The following EIF2AK4 variants were observed in gnomAD, a reference collection of about 807,000 sequenced individuals.
The protein encoded by EIF2AK4 is eIF-2-alpha kinase GCN2.
A neutral mutation model predicts 211.1 loss-of-function variants in EIF2AK4; 139 were observed. The observed-to-expected ratio is 0.66, with a 90% CI of 0.57 to 0.76. The LOEUF is 0.76. Ranked by LOEUF, EIF2AK4 falls within the 30% of genes least tolerant of loss-of-function variation. EIF2AK4 has a pLI of 0.00. For missense variants in EIF2AK4, 1,664 were observed against 2,043.8 expected (o/e 0.81, Z 3.58); for synonymous variants, 710 against 751.3 (o/e 0.94, Z 0.90).
chr15:39,943,458 A>G lies in EIF2AK4; in HGVS notation c.333A>G (p.Glu111=). Residue 111 remains glutamate (E), a synonymous_variant, in exon 3 of 39, where the codon GAA becomes GAG. Coordinates refer to ENST00000263791, the MANE Select transcript of EIF2AK4 (RefSeq NM_001013703.4). ...TCAATTTGTTAAAATCTCGCCTAGA[A>G]GAACTGGCCAAGAAACACTGTGGGG... is the stretch of plus-strand genomic sequence containing the variant. ...ESVNLLKSRL[E]ELAKKHCGEV... The G allele has an allele frequency of 6.3e-7, 1 of 1,588,112 alleles. No homozygotes were observed. Among genetic ancestry groups the G allele is most frequent in the South Asian group, 1.2e-5 (1 of 83,572 alleles).
rs2034891587 is a variant in EIF2AK4 at position 39,988,122 on chromosome 15, T to A, written c.2526+17T>A. The stretch of plus-strand genomic sequence containing the variant: ...CATGAGAAAGTAAACTTTACAACAT[T>A]TCATATCTGAAGACTTATGTTTACA... On this transcript the variant is annotated intron_variant, in intron 15 of 38. Coordinates refer to ENST00000263791, the MANE Select transcript of EIF2AK4 (RefSeq NM_001013703.4). 1.2e-6 allele frequency: 2 copies of A among 1,613,010 alleles called. No individual in the cohort carries two copies. The highest frequency in any genetic ancestry group is 1.7e-6 in the Non-Finnish European group (2 of 1,179,526).
chr15:39,976,914 T>TTCA, intron 12 of EIF2AK4, 70 bp downstream of exon 12: 1 of 1,399,044 alleles, frequency 7.1e-7, no homozygotes, highest in Non-Finnish European at 9.3e-7. Context: ...TTTTTTTCCT[T>TTCA]TTTCCTTTCA....
In EIF2AK4 at chr15:39,973,149, G is replaced by A. The variant is rs1288496083; in HGVS notation, c.1660+135G>A. ...TATTCTGAACTAAATCCATTAGTTT[G>A]ATGTGTGCCATGTGCATGGGACTGT... is the stretch of plus-strand genomic sequence containing the variant. On this transcript the variant is annotated intron_variant, in intron 10 of 38. Coordinates refer to ENST00000263791, the MANE Select transcript of EIF2AK4 (RefSeq NM_001013703.4). 3 of 749,174 alleles carry A rather than the reference G, an allele frequency of 4.0e-6. No homozygotes were observed. The East Asian group carries it at 8.1e-5, about 20-fold the overall frequency. 46.4% of individuals were successfully genotyped at this position (749,174 alleles called of 1,614,324 possible). A position where few individuals can be genotyped will look rare whatever the true frequency, so the allele number is the denominator to read the frequency against.
At position 40,032,669 on chromosome 15, in the gene EIF2AK4, A is replaced by G. The variant is rs192940218; in HGVS notation, c.4729-88A>G. On this transcript the variant is annotated intron_variant, in intron 36 of 38. Coordinates refer to ENST00000263791, the MANE Select transcript of EIF2AK4 (RefSeq NM_001013703.4). ...TAGCATCTCAGACTCTGCAAACCCT[A>G]TTCATACTGCTGCATTTCACGTGAC... The G allele has an allele frequency of 2.8e-4, 348 of 1,249,720 alleles. No homozygotes were observed. The African/African-American group carries it at 4.7e-3, about 17-fold the overall frequency. 77.4% of individuals were successfully genotyped at this position (1,249,720 alleles called of 1,614,324 possible). A position where few individuals can be genotyped will look rare whatever the true frequency, so the allele number is the denominator to read the frequency against.
At chr15:39,953,681 T>C (rs966985002) in intron 4 of EIF2AK4, among the ~76,000 whole-genome samples, 1 of 152,146 alleles carries the variant, frequency 6.6e-6, no homozygotes, top group African/African-American at 2.4e-5. Context: ...TAAATGCCCC[T>C]CCCCACACAC....
chr15:39,962,287 G>T (rs1167943692), intron 7 of EIF2AK4, among the ~76,000 whole-genome samples: 1 of 152,068 alleles, frequency 6.6e-6, no homozygotes, highest in Non-Finnish European at 1.5e-5. Context: ...TTAAAAACCT[G>T]TGCTCTTGGA....
At chr15:39,959,650 C>G (rs1025244324) in intron 6 of EIF2AK4, among the ~76,000 whole-genome samples, 61 of 152,280 alleles carry the variant, frequency 4.0e-4, no homozygotes, top group African/African-American at 1.4e-3. Context: ...GAAAGATGGC[C>G]TAGACTAAAA....
At position 39,934,172 on chromosome 15, in the gene EIF2AK4, C is replaced by T; in HGVS notation, c.-24C>T. ...GCCCACCGCCGCCCAGGCAAGGCCG[C>T]CCTGCCTTGGGCGCAGCGCTGCCAT... On this transcript the variant is annotated 5_prime_UTR_variant, in exon 1 of 39. Transcript: ENST00000263791. 3 of 1,409,582 alleles carry T rather than the reference C, an allele frequency of 2.1e-6. No homozygotes were observed. Among genetic ancestry groups the T allele is most frequent in the Non-Finnish European group, 2.8e-6 (3 of 1,083,180 alleles). 87.3% of individuals were successfully genotyped at this position (1,409,582 alleles called of 1,614,324 possible).
At chr15:39,983,656 C>T (rs970021089) in intron 13 of EIF2AK4, among the ~76,000 whole-genome samples, 3 of 152,162 alleles carry the variant, frequency 2.0e-5, no homozygotes, top group Non-Finnish European at 4.4e-5. Context: ...TGGTCAGGCT[C>T]GTCTCATACG....
intron 19 of EIF2AK4, among the ~76,000 whole-genome samples, chr15:39,998,012 G>A (rs1366041503): frequency 6.6e-6 from 1 of 152,158 alleles, no homozygotes; most frequent in Non-Finnish European, 1.5e-5. Context: ...CACTTCTCTG[G>A]ATAATTTTGA....
chr15:40,002,952 T>C (rs755420817), intron 22 of EIF2AK4, among the ~76,000 whole-genome samples, 164 bp downstream of exon 22: 16 of 152,228 alleles, frequency 1.1e-4, no homozygotes, highest in Non-Finnish European at 2.2e-4. Flanking sequence ...GATTTGAATA[T>C]TACAGCCTTA....
chr15:39,973,951 C>G, intron 11 of EIF2AK4: 1 of 464,488 alleles, frequency 2.2e-6, no homozygotes, highest in Non-Finnish European at 3.7e-6. Context: ...TCCCACTCCT[C>G]TTTCCTTGCT....
chr15:39,992,713 G>A, intron 17 of EIF2AK4, 56 bp from the exon 18 acceptor site: 6 of 1,485,456 alleles, frequency 4.0e-6, no homozygotes, highest in Non-Finnish European at 4.7e-6. Context: ...TTTTTAGTTT[G>A]TGTCTTCTGT....
At chr15:40,017,458 C>A (rs1407176766) in intron 29 of EIF2AK4, among the ~76,000 whole-genome samples, 1 of 135,248 alleles carries the variant, frequency 7.4e-6, no homozygotes, top group African/African-American at 2.8e-5. Flanking sequence ...AAGATAGTTG[C>A]AAAGATAGTA....
intron 3 of EIF2AK4, among the ~76,000 whole-genome samples, chr15:39,946,122 A>G (rs997732132): frequency 3.9e-5 from 6 of 152,250 alleles, no homozygotes; most frequent in Non-Finnish European, 5.9e-5. Context: ...TTCAAGTGTT[A>G]TTATTTAAGA....
rs1012572390 is a variant in EIF2AK4 at position 39,988,457 on chromosome 15, G to A, written c.2526+352G>A. Among the ~76,000 whole-genome samples, 4 of 152,242 alleles carry A rather than the reference G, an allele frequency of 2.6e-5. No individual in the cohort carries two copies. The South Asian group carries it at 6.2e-4, about 24-fold the overall frequency. ...TTGTAAAAAATTAGAAGAACATTTC[G>A]TGACACATAAAAATTACATGAAATT... is the stretch of plus-strand genomic sequence containing the variant. On this transcript the variant is annotated intron_variant, in intron 15 of 38. Transcript: ENST00000263791.
In EIF2AK4 at chr15:39,967,318, C is replaced by T. The variant is rs533466279; in HGVS notation, c.1018-26C>T. 3.5e-5 allele frequency: 48 copies of T among 1,377,944 alleles called. No homozygotes were observed. The East Asian group carries it at 6.3e-4, about 18-fold the overall frequency. The allele number at this position is 1,377,944 out of a possible 1,614,324, so 85.4% of individuals were successfully genotyped here. On this transcript the variant is annotated intron_variant, in intron 8 of 38. Transcript: ENST00000263791. Reference sequence around the variant, plus strand: ...AGTTAATGTTGACTGGCCCAATATTCTTTTTTTTTTTTTTTAACTTATCAG... The same window carrying T: ...AGTTAATGTTGACTGGCCCAATATTTTTTTTTTTTTTTTTTAACTTATCAG...
At chr15:40,029,348 A>T in intron 33 of EIF2AK4, 58 bp from the exon 34 acceptor site, 1 of 1,601,256 alleles carries the variant, frequency 6.2e-7, no homozygotes, top group Non-Finnish European at 8.5e-7. Flanking sequence ...ACTGTAAGTT[A>T]TGTGTTGCTT....
chr15:39,957,479 A>G (rs984010996), intron 6 of EIF2AK4, among the ~76,000 whole-genome samples: 2 of 152,064 alleles, frequency 1.3e-5, no homozygotes, highest in East Asian at 3.9e-4. Context: ...CTTCTCATTC[A>G]GTTCTCCCCT....
Sources: allele counts gnomAD v4.1 joint callset (sites outside exome capture counted in the v4.1 genomes callset), GRCh38; gene constraint gnomAD v4.1.1; transcripts MANE v1.5; gene names NCBI Gene and HGNC (gene_info 2026-07-23, HGNC 2026-07-21).